MED12L: variants seen among roughly 807,000 people sequenced by gnomAD.
MED12L encodes the protein mediator complex subunit 12L.
MED12L carries 60 observed loss-of-function variants against 281.3 expected under a neutral mutation model. The ratio of observed to expected loss-of-function variants is 0.21; its 90% CI spans 0.17 to 0.26. MED12L has a LOEUF of 0.26. MED12L is among the 10% of genes least tolerant of loss of function. The probability of loss-of-function intolerance (pLI) is 1.00; values close to 1 mark genes in which losing one functional copy is unlikely to be tolerated. For synonymous variants in MED12L, 974 were observed against 987.2 expected (o/e 0.99, Z 0.25); for missense variants, 2,146 against 2,680.9 (o/e 0.80, Z 4.41).
At chr3:151,118,846 C>T (rs1382280444) in intron 3 of MED12L, among the ~76,000 whole-genome samples, 1 of 152,016 alleles carries the variant, frequency 6.6e-6, no homozygotes, top group African/African-American at 2.4e-5. Flanking sequence ...CGCCTCCACA[C>T]CTGGCTAATT....
Position 151,423,038 on chromosome 3 carries a change from G to A in MED12L, c.6408+6616G>A, listed in dbSNP as rs906045863. Among the ~76,000 whole-genome samples, 118 of 121,260 alleles carry A rather than the reference G, an allele frequency of 9.7e-4. 1 individual carries two copies. Among genetic ancestry groups the A allele is most frequent in the African/African-American group, 3.4e-3 (113 of 33,270 alleles). 79.6% of individuals were successfully genotyped at this position (121,260 alleles called of 152,430 possible). A position where few individuals can be genotyped will look rare whatever the true frequency, so the allele number is the denominator to read the frequency against. On this transcript the variant is annotated intron_variant, in intron 43 of 44. Transcript: ENST00000687756. ...AAAAATATATATATATATATATTTT[G>A]AAACGGAGTCTTGCTCTGTCACCCA...
chr3:151,242,880 AG>A (rs1375255086), intron 16 of MED12L, among the ~76,000 whole-genome samples: 2 of 149,140 alleles, frequency 1.3e-5, no homozygotes, highest in African/African-American at 4.9e-5. Context: ...AAAATTTAGA[AG>A]AATGTATAAC....
In MED12L at chr3:151,428,621, A is replaced by G. The variant is rs111843926; in HGVS notation, c.6409-1678A>G. Among the ~76,000 whole-genome samples the G allele has an allele frequency of 5.5e-3, 843 of 152,304 alleles. 5 individuals are homozygous for G. The highest frequency in any genetic ancestry group is 0.012 in the South Asian group (56 of 4,824). On this transcript the variant is annotated intron_variant, in intron 43 of 44. Coordinates refer to ENST00000687756, the MANE Select transcript of MED12L (RefSeq NM_001393769.1). Reference sequence around the variant, plus strand: ...CCAAGCCCTTGTCTTTCAGTCACTCACTGTCTAGTGGGAGAGAGAAAGTTG... The same window carrying G: ...CCAAGCCCTTGTCTTTCAGTCACTCGCTGTCTAGTGGGAGAGAGAAAGTTG...
intron 20 of MED12L, 87 bp downstream of exon 20, chr3:151,357,463 T>G: frequency 7.7e-6 from 9 of 1,171,918 alleles, no homozygotes; most frequent in Middle Eastern, 2.8e-4. Flanking sequence ...AAAAGAAAAA[T>G]AGTACTGATA....
chr3:151,387,779 T>C, intron 36 of MED12L, 31 bp from the exon 37 acceptor site: 2 of 1,567,086 alleles, frequency 1.3e-6, no homozygotes, highest in South Asian at 2.4e-5. Context: ...AAGATCTGAG[T>C]GTGCTATCTT....
chr3:151,325,524 C>T (rs989363657), intron 16 of MED12L, among the ~76,000 whole-genome samples: 2 of 151,808 alleles, frequency 1.3e-5, no homozygotes, highest in African/African-American at 2.4e-5. Context: ...TTAGGAAGTT[C>T]TTCATTTTGT....
intron 5 of MED12L, among the ~76,000 whole-genome samples, chr3:151,147,270 C>A (rs1717871824): frequency 6.6e-6 from 1 of 152,024 alleles, no homozygotes; most frequent in South Asian, 2.1e-4. Flanking sequence ...GTAATCTTTT[C>A]TTTTACTTCA....
At chr3:151,298,242 TG>T (rs1745365701) in intron 16 of MED12L, among the ~76,000 whole-genome samples, 1 of 152,176 alleles carries the variant, frequency 6.6e-6, no homozygotes, top group African/African-American at 2.4e-5. Flanking sequence ...TCAGGAATAT[TG>T]ACCAGTAAAA....
At position 151,387,849 on chromosome 3, in the gene MED12L, G is replaced by A. The variant is rs746947248; in HGVS notation, c.5128G>A (p.Asp1710Asn). ...VSTKQKVSPW[D>N]LFEGQKNPAP... ...TACGAAGCAGAAGGTGTCCCCGTGG[G>A]ACTTGTTTGAGGGTCAGAAGAACCC... Residue 1710 changes from aspartate (D) to asparagine (N), a missense_variant, in exon 37 of 45, where the codon GAC becomes AAC. Transcript: ENST00000687756. 6.2e-7 allele frequency: 1 copy of A among 1,613,984 alleles called. No homozygotes were observed. The highest frequency in any genetic ancestry group is 1.7e-5 in the Admixed American group (1 of 60,012).
At chr3:151,395,464 G>A (rs996915639) in intron 39 of MED12L, among the ~76,000 whole-genome samples, 1 of 152,122 alleles carries the variant, frequency 6.6e-6, no homozygotes, top group African/African-American at 2.4e-5. Context: ...CTTCATAGAA[G>A]ACAGTGATCC....
chr3:151,208,906 A>G (rs890660254), intron 16 of MED12L, among the ~76,000 whole-genome samples: 2 of 152,080 alleles, frequency 1.3e-5, no homozygotes, highest in African/African-American at 4.8e-5. Context: ...CCATGCTGAT[A>G]CCATGGGAGT....
At chr3:151,214,416 G>A (rs1332959031) in intron 16 of MED12L, 5 of 1,011,556 alleles carry the variant, frequency 4.9e-6, no homozygotes, top group Non-Finnish European at 7.3e-6. Flanking sequence ...TAAGGCAAAG[G>A]GCAATGAATA....
In MED12L at chr3:151,127,958, A is replaced by G. The variant is rs1317124457; in HGVS notation, c.530A>G (p.Lys177Arg). ...YSAISEAKIK[K>R]RQAPDPNLEW... ...GCTATATCTGAAGCTAAAATTAAGA[A>G]ACGTCAGGCTCCTGATCCGAATTTG... Residue 177 changes from lysine to arginine, a missense_variant, in exon 5 of 45, where the codon AAA (lysine) becomes AGA (arginine). By Grantham distance (26) the Lys-to-Arg change is conservative. Around this residue, in one of 9 missense-constraint regions of MED12L, gnomAD observed 722 missense variants for 861.2 expected, o/e 0.84. Transcript: ENST00000687756. 9 of 1,613,396 alleles carry G rather than the reference A, an allele frequency of 5.6e-6. No individual in the cohort carries two copies. Among genetic ancestry groups the G allele is most frequent in the Admixed American group, 1.7e-5 (1 of 59,842 alleles).
intron 16 of MED12L, among the ~76,000 whole-genome samples, chr3:151,297,997 G>A (rs1745334778): frequency 2.0e-5 from 3 of 151,546 alleles, no homozygotes; most frequent in Admixed American, 1.3e-4. Flanking sequence ...CAATATGGTA[G>A]TAGAGACAAA....
At position 151,317,436 on chromosome 3, in the gene MED12L, C is replaced by CTTTTTTTTTTTTTTTTTTTTTTTTT. The variant is rs1164820615; in HGVS notation, c.2251-32617_2251-32593dup. On this transcript the variant is annotated intron_variant, in intron 16 of 44. Coordinates refer to ENST00000687756, the MANE Select transcript of MED12L (RefSeq NM_001393769.1). ...ATGACAAATTTATATAATCATATCACTTTTTTTTTTTTTTTTTTTTTTTTT... is the reference window on the plus strand; with the variant it reads ...ATGACAAATTTATATAATCATATCACTTTTTTTTTTTTTTTTTTTTTTTTTTTTTTTTTTTTTTTTTTTTTTTTTT... Among the ~76,000 whole-genome samples the CTTTTTTTTTTTTTTTTTTTTTTTTT allele has an allele frequency of 1.4e-4, 8 of 58,742 alleles. 3 individuals carry two copies. The highest frequency in any genetic ancestry group is 4.5e-4 in the African/African-American group (7 of 15,648). 38.5% of individuals were successfully genotyped at this position (58,742 alleles called of 152,430 possible).
intron 3 of MED12L, among the ~76,000 whole-genome samples, chr3:151,121,077 A>G (rs1460754950): frequency 6.6e-6 from 1 of 152,346 alleles, no homozygotes; most frequent in Non-Finnish European, 1.5e-5. Context: ...ATAATTGCAA[A>G]TAAGAGACCT....
intron 16 of MED12L, among the ~76,000 whole-genome samples, chr3:151,283,294 G>A (rs1007802449): frequency 1.3e-5 from 2 of 152,212 alleles, no homozygotes; most frequent in Non-Finnish European, 2.9e-5. Flanking sequence ...TGTATTGCTA[G>A]CATTAGATTG....
At chr3:151,110,642 A>G (rs1711729407) in intron 2 of MED12L, among the ~76,000 whole-genome samples, 1 of 152,190 alleles carries the variant, frequency 6.6e-6, no homozygotes, top group Non-Finnish European at 1.5e-5. Flanking sequence ...TGTACTAATA[A>G]ACCTCACAGA....
intron 16 of MED12L, among the ~76,000 whole-genome samples, chr3:151,347,157 TTA>T (rs1328989301): frequency 1.4e-5 from 2 of 145,434 alleles, no homozygotes; most frequent in Non-Finnish European, 3.1e-5. Context: ...ACAAACTTTT[TTA>T]CTCTAGCTTT....
Sources: gnomAD v4.1 joint callset for allele counts (sites outside exome capture counted in the v4.1 genomes callset) on GRCh38, gnomAD v4.1.1 for gene constraint, gnomAD v4.1.1 regional missense constraint, MANE v1.5 for transcripts, NCBI Gene and HGNC (gene_info 2026-07-23, HGNC 2026-07-21) for gene names.